DRG2: variants seen among roughly 807,000 people sequenced by gnomAD.
DRG2 encodes the protein developmentally-regulated GTP-binding protein 2.
In DRG2, 36 loss-of-function variants were observed where a neutral mutation model predicts 53.4. That is an observed-to-expected ratio of 0.67 (90% CI 0.52 to 0.89). The LOEUF is 0.89. Among genes scored for constraint, DRG2 ranks in the 40% least tolerant of loss-of-function variants. The probability of loss-of-function intolerance (pLI) is 0.00; values close to 1 mark genes in which losing one functional copy is unlikely to be tolerated. For missense variants in DRG2, 342 were observed against 481.2 expected (o/e 0.71, Z 2.71); for synonymous variants, 167 against 192.1 (o/e 0.87, Z 1.08).
chr17:18,097,549 G>A (rs1249087916), intron 2 of DRG2: 2 of 152,198 alleles, frequency 1.3e-5, no homozygotes, highest in African/African-American at 4.8e-5. Context: ...ATGTTACAGT[G>A]TTTGGAGTGA....
chr17:18,099,785 C>G lies in DRG2; in HGVS notation c.467+62C>G. 1 of 1,521,096 alleles carries G rather than the reference C, an allele frequency of 6.6e-7. No individual in the cohort carries two copies. The allele number at this position is 1,521,096 out of a possible 1,614,324, so 94.2% of individuals were successfully genotyped here. On this transcript the variant is annotated intron_variant, in intron 5 of 12. Transcript: ENST00000225729. The surrounding 1 kb of genome is among the most constrained non-coding windows in gnomAD (Gnocchi z 4.4). ...TGGGGAGGGCCAATGTGTCCCTGAG[C>G]TCGTACTAGGCGGCCTGTGGGTGTT...
At chr17:18,092,157 A>G (rs150032996) in intron 1 of DRG2, 1 of 152,270 alleles carries the variant, frequency 6.6e-6, no homozygotes, top group East Asian at 1.9e-4. Flanking sequence ...TGATGTCAGC[A>G]TATTCTAGAA....
chr17:18,103,745 C>T lies in DRG2; in HGVS notation c.807-56C>T. On this transcript the variant is annotated intron_variant, in intron 9 of 12. Coordinates refer to ENST00000225729, the MANE Select transcript of DRG2 (RefSeq NM_001388.5). This position sits in a 1 kb window ranked among gnomAD's most constrained non-coding sequence, Gnocchi z 4.4. ...CGCTCCAATAGTGAGAAGTGGAGAC[C>T]CCAGCCTCTGAATTCACAGGGGCCC... The T allele has an allele frequency of 6.4e-7, 1 of 1,552,438 alleles. No individual in the cohort carries two copies. The highest frequency in any genetic ancestry group is 1.7e-5 in the Admixed American group (1 of 59,918).
Position 18,099,728 on chromosome 17 carries a change from G to A in DRG2, c.467+5G>A, listed in dbSNP as rs746541723. 1.4e-5 allele frequency: 23 copies of A among 1,596,578 alleles called. No homozygotes were observed. Among genetic ancestry groups the A allele is most frequent in the East Asian group, 4.5e-5 (2 of 44,160 alleles). ...CACCAAGGGAGAGGTGCAGAGGTCC[G>A]CAGGGTGGGGCATGGGGCAGGCTCA... On this transcript the variant is annotated splice_donor_5th_base_variant and intron_variant, in intron 5 of 12. Transcript: ENST00000225729. The surrounding 1 kb of genome is among the most constrained non-coding windows in gnomAD (Gnocchi z 4.4).
intron 8 of DRG2, 30 bp downstream of exon 8, chr17:18,101,620 C>T (rs1248169510): frequency 1.2e-6 from 2 of 1,603,826 alleles, no homozygotes; most frequent in African/African-American, 2.7e-5. Flanking sequence ...CCTGGCCTGG[C>T]CACTCGGCCT....
At chr17:18,101,752 T>G (rs553044605) in intron 8 of DRG2, among the ~76,000 whole-genome samples, 162 bp downstream of exon 8, 1 of 152,290 alleles carries the variant, frequency 6.6e-6, no homozygotes, top group East Asian at 1.9e-4. Context: ...ATAGAGAGCT[T>G]GAAACCAGGG....
intron 1 of DRG2, among the ~76,000 whole-genome samples, chr17:18,089,726 G>A (rs2045280120): frequency 6.6e-6 from 1 of 152,148 alleles, no homozygotes; most frequent in South Asian, 2.1e-4. Flanking sequence ...TTGAAAAGAA[G>A]GAACCGGTCA....
intron 11 of DRG2, chr17:18,105,919 A>G (rs1310476418): frequency 1.2e-5 from 2 of 162,296 alleles, no homozygotes; most frequent in South Asian, 3.5e-4. Context: ...GTCTCCTTCC[A>G]GTTTTATATG....
intron 1 of DRG2, among the ~76,000 whole-genome samples, chr17:18,088,785 A>G (rs998162568): frequency 6.6e-6 from 1 of 152,218 alleles, no homozygotes; most frequent in Admixed American, 6.5e-5. Context: ...TTAGAATGTA[A>G]GGGCTGGAGG....
Position 18,099,259 on chromosome 17 carries a change from T to A in DRG2, c.376+182T>A. On this transcript the variant is annotated intron_variant, in intron 4 of 12. Transcript: ENST00000225729. The surrounding 1 kb of genome is among the most constrained non-coding windows in gnomAD (Gnocchi z 4.4). ...AGCCTTGTGATCTTGGGCAAGTGAT[T>A]GGGTATCTCTAAGCCAAGCCTCAGT... 1 of 722,266 alleles carries A rather than the reference T, an allele frequency of 1.4e-6. No homozygotes were observed. Among genetic ancestry groups the A allele is most frequent in the Non-Finnish European group, 2.3e-6 (1 of 440,730 alleles). The allele number at this position is 722,266 out of a possible 1,614,324, so 44.7% of individuals were successfully genotyped here. A position where few individuals can be genotyped will look rare whatever the true frequency, so the allele number is the denominator to read the frequency against.
chr17:18,101,123 A>G (rs982114282), intron 7 of DRG2, among the ~76,000 whole-genome samples: 31 of 152,140 alleles, frequency 2.0e-4, no homozygotes, highest in African/African-American at 7.0e-4. Context: ...GAGGTGTGCA[A>G]GCAGAGGCAG....
chr17:18,095,086 C>T (rs2045409109), intron 2 of DRG2, among the ~76,000 whole-genome samples: 2 of 146,832 alleles, frequency 1.4e-5, no homozygotes, highest in African/African-American at 5.0e-5. Flanking sequence ...TCTTGCTCGG[C>T]TCACTGCAAC....
chr17:18,088,964 A>G (rs1380758513), intron 1 of DRG2, among the ~76,000 whole-genome samples: 1 of 152,150 alleles, frequency 6.6e-6, no homozygotes, highest in African/African-American at 2.4e-5. Flanking sequence ...GAAGGGGGTT[A>G]TGGAAGAGTA....
At chr17:18,090,643 G>A (rs749327069) in intron 1 of DRG2, among the ~76,000 whole-genome samples, 46 of 151,208 alleles carry the variant, frequency 3.0e-4, no homozygotes, top group African/African-American at 4.1e-4. Flanking sequence ...CAGTTGATCC[G>A]CCCACCTCGG....
intron 11 of DRG2, chr17:18,105,475 C>CT (rs2045613038): frequency 6.6e-6 from 1 of 152,350 alleles, no homozygotes; most frequent in African/African-American, 2.4e-5. Context: ...CCCCAGGTCT[C>CT]TGAGTGCCAC....
intron 11 of DRG2, 89 bp downstream of exon 11, chr17:18,104,770 G>A: frequency 6.3e-7 from 1 of 1,597,304 alleles, no homozygotes; most frequent in Non-Finnish European, 8.5e-7. Flanking sequence ...TGGGCTGGGG[G>A]TGGGCTCTGC....
rs371501478 is a variant in DRG2 at position 18,098,224 on chromosome 17, G to A, written c.226-46G>A. On this transcript the variant is annotated intron_variant, in intron 2 of 12. Coordinates refer to ENST00000225729, the MANE Select transcript of DRG2 (RefSeq NM_001388.5). The surrounding 1 kb of genome is among the most constrained non-coding windows in gnomAD (Gnocchi z 4.1). Reference sequence around the variant, plus strand: ...CCAGCCCCTGGGGCCTCTCCCAGAAGGCCAGGGACAAGGCTCCTCAGTGCA... The same window carrying A: ...CCAGCCCCTGGGGCCTCTCCCAGAAAGCCAGGGACAAGGCTCCTCAGTGCA... The A allele has an allele frequency of 3.9e-6, 6 of 1,548,000 alleles. No homozygotes were observed. The highest frequency in any genetic ancestry group is 1.4e-5 in the African/African-American group (1 of 73,672).
chr17:18,088,375 C>T (rs2045253829), intron 1 of DRG2, among the ~76,000 whole-genome samples: 1 of 152,170 alleles, frequency 6.6e-6, no homozygotes, highest in African/African-American at 2.4e-5. Flanking sequence ...CAGAGAGAGG[C>T]GGAGCTGGGG....
Position 18,100,591 on chromosome 17 carries a change from C to T in DRG2, c.563C>T (p.Ser188Phe), listed in dbSNP as rs2045514344. Residue 188 changes from serine (S) to phenylalanine (F), a missense_variant, in exon 7 of 13, where the codon TCC (serine) becomes TTC (phenylalanine). Transcript: ENST00000225729. The surrounding 1 kb of genome is among the most constrained non-coding windows in gnomAD (Gnocchi z 4.1). ...YFKPKKGGGISFNSTVTLTQC... is the reference protein window; with the variant it reads ...YFKPKKGGGIFFNSTVTLTQC... ...CAGCCCAAGAAAGGTGGTGGCATCT[C>T]CTTTAACTCGACAGTCACGCTGACC... The T allele has an allele frequency of 1.2e-6, 2 of 1,614,100 alleles. No homozygotes were observed. Among genetic ancestry groups the T allele is most frequent in the Non-Finnish European group, 1.7e-6 (2 of 1,180,052 alleles).
Sources: allele counts gnomAD v4.1 joint callset (sites outside exome capture counted in the v4.1 genomes callset), GRCh38; gene constraint gnomAD v4.1.1; non-coding constraint Gnocchi (gnomAD v3.1); transcripts MANE v1.5; gene names NCBI Gene and HGNC (gene_info 2026-07-23, HGNC 2026-07-21).